The following LRP1B variants were observed in gnomAD, a reference collection of about 807,000 sequenced individuals.
LRP1B encodes LDL receptor related protein 1B.
In LRP1B, 217 loss-of-function variants were observed where a neutral mutation model predicts 556.6. The ratio of observed to expected loss-of-function variants is 0.39; its 90% CI spans 0.35 to 0.44. The LOEUF (loss-of-function observed/expected upper bound fraction) is 0.44. Among genes scored for constraint, LRP1B ranks in the 20% least tolerant of loss-of-function variants. LRP1B has a pLI of 1.00. For missense variants in LRP1B, 5,053 were observed against 5,620.8 expected (o/e 0.90, Z 3.23); for synonymous variants, 2,047 against 1,865.8 (o/e 1.10, Z -2.50).
At chr2:141,907,194 G>T (rs1234385123) in intron 1 of LRP1B, among the ~76,000 whole-genome samples, 2 of 151,718 alleles carry the variant, frequency 1.3e-5, no homozygotes, top group African/African-American at 4.8e-5. Flanking sequence ...TATTTTTGGA[G>T]AAGTATTTAA....
chr2:140,697,683 C>G (rs529605516), intron 41 of LRP1B, among the ~76,000 whole-genome samples: 1 of 151,892 alleles, frequency 6.6e-6, no homozygotes, highest in African/African-American at 2.4e-5. Context: ...ACAAGCCAGG[C>G]GCAAAGGACA....
At chr2:140,256,829 G>C (rs1030012418) in intron 86 of LRP1B, among the ~76,000 whole-genome samples, 1 of 151,714 alleles carries the variant, frequency 6.6e-6, no homozygotes, top group African/African-American at 2.4e-5. Context: ...GGTTTTTTGA[G>C]AGATTAAGAG....
chr2:141,230,856 T>C (rs1244690225), intron 5 of LRP1B, among the ~76,000 whole-genome samples: 1 of 152,224 alleles, frequency 6.6e-6, no homozygotes, highest in African/African-American at 2.4e-5. Context: ...GCCCCTATAC[T>C]TTCTATACAC....
At chr2:141,545,630 A>G (rs1020068097) in intron 2 of LRP1B, among the ~76,000 whole-genome samples, 1 of 152,172 alleles carries the variant, frequency 6.6e-6, no homozygotes, top group Non-Finnish European at 1.5e-5. Context: ...GAATTGCTTG[A>G]GCCCAGCAGT....
At chr2:141,253,548 C>T (rs1417067114) in intron 4 of LRP1B, among the ~76,000 whole-genome samples, 1 of 152,056 alleles carries the variant, frequency 6.6e-6, no homozygotes, top group Non-Finnish European at 1.5e-5. Flanking sequence ...AGTCCCAATT[C>T]TATTACTAAG....
chr2:140,852,776 C>T (rs568674992), intron 27 of LRP1B, among the ~76,000 whole-genome samples: 90 of 152,110 alleles, frequency 5.9e-4, no homozygotes, highest in African/African-American at 1.7e-3. Flanking sequence ...AGCTCAATGT[C>T]ATTCTGTGAC....
intron 5 of LRP1B, among the ~76,000 whole-genome samples, chr2:141,236,044 TATGTAAGATATTGTG>T (rs2105307393): frequency 6.6e-6 from 1 of 152,186 alleles, no homozygotes; most frequent in East Asian, 1.9e-4. Context: ...TCAAAAATAA[TATGTAAGATATTGTG>T]TGGGTGGGTA....
At chr2:141,472,711 G>A (rs1573986254) in intron 3 of LRP1B, among the ~76,000 whole-genome samples, 3 of 152,146 alleles carry the variant, frequency 2.0e-5, no homozygotes, top group Admixed American at 1.3e-4. Context: ...AAGAGGGACA[G>A]ATACAGAATC....
At chr2:141,902,504 C>T (rs748476264) in intron 1 of LRP1B, among the ~76,000 whole-genome samples, 48 of 151,980 alleles carry the variant, frequency 3.2e-4, no homozygotes, top group Non-Finnish European at 6.5e-4. Flanking sequence ...ATTTTAAACA[C>T]GAAATCTTCA....
chr2:141,417,186 G>C (rs1691138436), intron 3 of LRP1B, among the ~76,000 whole-genome samples: 1 of 151,882 alleles, frequency 6.6e-6, no homozygotes, highest in African/African-American at 2.4e-5. Flanking sequence ...CTTTATGCAG[G>C]CATATTTGCC....
chr2:140,375,226 G>A (rs562614938), intron 68 of LRP1B, among the ~76,000 whole-genome samples: 37 of 149,210 alleles, frequency 2.5e-4, no homozygotes, highest in Middle Eastern at 3.5e-3. Flanking sequence ...CCTTACAGTC[G>A]TTTTTCTTTC....
At position 141,121,500 on chromosome 2, in the gene LRP1B, C is replaced by T. The variant is rs556997787; in HGVS notation, c.1014-59227G>A. On this transcript the variant is annotated intron_variant, in intron 7 of 90. Coordinates refer to ENST00000389484, the MANE Select transcript of LRP1B (RefSeq NM_018557.3). Reference sequence around the variant, plus strand: ...ATCATGAGTGAACTCCCATTCACAACTGCTTCAAAGAGAATAAAATACCTA... The same window carrying T: ...ATCATGAGTGAACTCCCATTCACAATTGCTTCAAAGAGAATAAAATACCTA... 9.2e-5 allele frequency among the ~76,000 whole-genome samples: 14 copies of T among 151,810 alleles called. No homozygotes were observed. The South Asian group carries it at 1.0e-3, about 11-fold the overall frequency.
intron 41 of LRP1B, among the ~76,000 whole-genome samples, chr2:140,638,792 T>A (rs539513190): frequency 1.3e-5 from 2 of 151,826 alleles, no homozygotes; most frequent in Non-Finnish European, 2.9e-5. Flanking sequence ...AAAAAATATA[T>A]ATGAAATTAC....
intron 23 of LRP1B, among the ~76,000 whole-genome samples, chr2:140,896,723 C>T (rs1559180937): frequency 6.6e-6 from 1 of 152,128 alleles, no homozygotes; most frequent in African/African-American, 2.4e-5. Flanking sequence ...TCAATAGATC[C>T]TCCTGTCTCA....
chr2:141,071,452 G>A (rs1246486539), intron 7 of LRP1B, among the ~76,000 whole-genome samples: 3 of 152,110 alleles, frequency 2.0e-5, no homozygotes, highest in African/African-American at 7.2e-5. Flanking sequence ...GCACAAGACA[G>A]GGATGCCCTC....
At chr2:140,796,355 C>G (rs1423707753) in intron 32 of LRP1B, among the ~76,000 whole-genome samples, 1 of 151,880 alleles carries the variant, frequency 6.6e-6, no homozygotes, top group East Asian at 1.9e-4. Flanking sequence ...TGTATTTATC[C>G]ATTGTGCTAA....
intron 35 of LRP1B, among the ~76,000 whole-genome samples, chr2:140,755,334 C>G (rs1442688313): frequency 6.6e-6 from 1 of 151,804 alleles, no homozygotes; most frequent in African/African-American, 2.4e-5. Context: ...TATGTGTTAC[C>G]CTGATAGCAA....
At chr2:140,779,608 A>G (rs992397951) in intron 32 of LRP1B, among the ~76,000 whole-genome samples, 6 of 150,944 alleles carry the variant, frequency 4.0e-5, no homozygotes, top group Non-Finnish European at 8.8e-5. Context: ...GTCAGGAGAA[A>G]CACTTGAACC....
chr2:140,571,428 C>T (rs1172426637), intron 43 of LRP1B, among the ~76,000 whole-genome samples: 2 of 151,470 alleles, frequency 1.3e-5, no homozygotes, highest in Non-Finnish European at 3.0e-5. Context: ...TAAGGAAATA[C>T]AATGCCTAGG....
Sources: allele counts gnomAD v4.1 joint callset (sites outside exome capture counted in the v4.1 genomes callset), GRCh38; gene constraint gnomAD v4.1.1; transcripts MANE v1.5; gene names NCBI Gene and HGNC (gene_info 2026-07-23, HGNC 2026-07-21).